Variants in SOX6 observed in about 807,000 individuals in gnomAD.
SOX6 encodes the protein transcription factor SOX-6.
SOX6 carries 11 observed loss-of-function variants against 97.8 expected under a neutral mutation model. That is an observed-to-expected ratio of 0.11 (90% CI 0.07 to 0.19). SOX6 has a LOEUF of 0.19. Ranked by LOEUF, SOX6 falls within the 10% of genes least tolerant of loss-of-function variation. The probability of loss-of-function intolerance (pLI) is 1.00; values close to 1 mark genes in which losing one functional copy is unlikely to be tolerated. For missense variants in SOX6, 810 were observed against 1,039.5 expected, an observed-to-expected ratio of 0.78 and a Z score of 3.04; for synonymous variants, 360 against 371.4, an observed-to-expected ratio of 0.97 and a Z score of 0.35.
At chr11:16,679,950 T>A (rs897158169) in intron 3 of SOX6, among the ~76,000 whole-genome samples, 1 of 152,160 alleles carries the variant, frequency 6.6e-6, no homozygotes, top group Non-Finnish European at 1.5e-5. Context: ...CCAAGAAATA[T>A]GGGACTATCT....
At position 15,968,236 on chromosome 11, in the gene SOX6, C is replaced by G. The variant is rs1853198901; in HGVS notation, c.*4573G>C. On this transcript the variant is annotated 3_prime_UTR_variant, in exon 16 of 16. Transcript: ENST00000683767. The stretch of plus-strand genomic sequence containing the variant: ...TACTTTGAGAAGTGAGCTTAAGTGC[C>G]AACTCAATTCTTAGACAAACGTGTA... 6.6e-6 allele frequency: 1 copy of G among 152,118 alleles called. No homozygotes were observed. Among genetic ancestry groups the G allele is most frequent in the Non-Finnish European group, 1.5e-5 (1 of 68,026 alleles). 9.4% of individuals were successfully genotyped at this position (152,118 alleles called of 1,614,324 possible).
At chr11:16,243,927 A>G (rs185094708) in intron 3 of SOX6, among the ~76,000 whole-genome samples, 49 of 152,084 alleles carry the variant, frequency 3.2e-4, no homozygotes, top group African/African-American at 1.1e-3. Flanking sequence ...TCATCTGTCT[A>G]TGGACATGTG....
At chr11:15,998,444 G>A (rs1308538824) in intron 13 of SOX6, among the ~76,000 whole-genome samples, 1 of 133,106 alleles carries the variant, frequency 7.5e-6, no homozygotes, top group African/African-American at 2.5e-5. Flanking sequence ...ATAAATGGAG[G>A]AATATACCAT....
intron 3 of SOX6, among the ~76,000 whole-genome samples, chr11:16,274,866 C>A (rs1347677): frequency 0.78 from 118,729 of 152,080 alleles, 46,487 homozygotes; most frequent in Non-Finnish European, 0.8. Flanking sequence ...GTAACAAATT[C>A]TCACCTTATT....
intron 4 of SOX6, among the ~76,000 whole-genome samples, chr11:16,562,282 G>A (rs1342575586): frequency 2.6e-5 from 4 of 152,134 alleles, no homozygotes; most frequent in Admixed American, 2.6e-4. Flanking sequence ...AGACAGGCTG[G>A]CTAGGAAACT....
At chr11:15,995,637 G>C (rs1854201557) in intron 13 of SOX6, among the ~76,000 whole-genome samples, 1 of 152,128 alleles carries the variant, frequency 6.6e-6, no homozygotes, top group Non-Finnish European at 1.5e-5. Flanking sequence ...AGAGGTTTGA[G>C]ACATTCAGGG....
At chr11:16,045,471 A>G (rs1445750443) in intron 12 of SOX6, among the ~76,000 whole-genome samples, 1 of 152,174 alleles carries the variant, frequency 6.6e-6, no homozygotes, top group African/African-American at 2.4e-5. Flanking sequence ...TGATCCTTTT[A>G]TATGTAAATC....
chr11:16,447,606 A>G (rs899196362), intron 1 of SOX6, among the ~76,000 whole-genome samples: 1 of 152,194 alleles, frequency 6.6e-6, no homozygotes, highest in East Asian at 1.9e-4. Flanking sequence ...CACTACTAGT[A>G]GAGTACAAAA....
intron 4 of SOX6, among the ~76,000 whole-genome samples, chr11:16,575,369 G>A (rs1847972868): frequency 6.6e-6 from 1 of 152,144 alleles, no homozygotes; most frequent in Admixed American, 6.5e-5. Context: ...CATATTGTCT[G>A]ACTCAACAAT....
chr11:16,384,214 C>T (rs1190403356), intron 1 of SOX6, among the ~76,000 whole-genome samples: 1 of 1,954 alleles, frequency 5.1e-4, no homozygotes, highest in African/African-American at 6.9e-4. Flanking sequence ...TTTTTCTAAA[C>T]AAGAAACTTT....
intron 4 of SOX6, among the ~76,000 whole-genome samples, chr11:16,591,051 A>T (rs1848144407): frequency 6.6e-6 from 1 of 152,152 alleles, no homozygotes; most frequent in Non-Finnish European, 1.5e-5. Context: ...TATCTCATGT[A>T]CCATATAAAT....
At chr11:16,502,687 T>C (rs1459847938) in intron 4 of SOX6, among the ~76,000 whole-genome samples, 2 of 152,134 alleles carry the variant, frequency 1.3e-5, no homozygotes, top group Non-Finnish European at 2.9e-5. Context: ...AAAAGAACTT[T>C]TAAGAATGAA....
intron 3 of SOX6, among the ~76,000 whole-genome samples, chr11:16,271,296 C>G (rs1334378658): frequency 6.6e-6 from 1 of 151,122 alleles, no homozygotes; most frequent in Non-Finnish European, 1.5e-5. Context: ...TAGTATTTTT[C>G]CATCAATATT....
At chr11:16,608,988 A>C (rs779312993) in intron 4 of SOX6, among the ~76,000 whole-genome samples, 21 of 152,244 alleles carry the variant, frequency 1.4e-4, no homozygotes, top group Admixed American at 2.6e-4. Context: ...TTAATAAAAG[A>C]CCCCCAGACA....
intron 1 of SOX6, among the ~76,000 whole-genome samples, chr11:16,409,280 ACCC>A (rs1858746791): frequency 1.3e-5 from 1 of 76,764 alleles, no homozygotes. Context: ...CAGTCCCCTA[ACCC>A]CCCTCCAAAA....
intron 13 of SOX6, among the ~76,000 whole-genome samples, chr11:15,991,048 A>AT (rs554059346): frequency 6.6e-6 from 1 of 152,094 alleles, no homozygotes; most frequent in Non-Finnish European, 1.5e-5. Context: ...GCTAACATGA[A>AT]TTTTTTTCTA....
intron 1 of SOX6, among the ~76,000 whole-genome samples, chr11:16,406,212 T>A (rs1858684395): frequency 6.6e-6 from 1 of 152,042 alleles, no homozygotes; most frequent in East Asian, 1.9e-4. Flanking sequence ...GGAAATATTG[T>A]CATTGGAACA....
intron 4 of SOX6, among the ~76,000 whole-genome samples, chr11:16,514,170 C>G (rs1262893694): frequency 1.4e-5 from 2 of 140,172 alleles, no homozygotes; most frequent in African/African-American, 2.7e-5. Context: ...GAGCCGGGAT[C>G]ATAACACTGC....
intron 3 of SOX6, among the ~76,000 whole-genome samples, chr11:16,270,671 G>C (rs976140428): frequency 5.7e-5 from 4 of 69,804 alleles, no homozygotes; most frequent in Admixed American, 1.3e-4. Context: ...ACACACACAG[G>C]AATATTATTC....
Sources: allele counts gnomAD v4.1 joint callset (sites outside exome capture counted in the v4.1 genomes callset), GRCh38; gene constraint gnomAD v4.1.1; transcripts MANE v1.5; gene names NCBI Gene and HGNC (gene_info 2026-07-23, HGNC 2026-07-21).